The following ACSBG1 variants were observed in gnomAD, a reference collection of about 807,000 sequenced individuals.
The protein encoded by ACSBG1 is acyl-CoA synthetase bubblegum family member 1.
In ACSBG1, 39 loss-of-function variants were observed where a neutral mutation model predicts 80.2. The observed-to-expected ratio is 0.49, with a 90% CI of 0.38 to 0.64. The LOEUF is 0.64. ACSBG1 is among the 30% of genes least tolerant of loss of function. The pLI is 0.00. For synonymous variants in ACSBG1, 392 were observed against 379.5 expected, an observed-to-expected ratio of 1.03 and a Z score of -0.38; for missense variants, 828 against 966.4, an observed-to-expected ratio of 0.86 and a Z score of 1.90.
At chr15:78,206,105 G>A (rs1019308058) in intron 2 of ACSBG1, among the ~76,000 whole-genome samples, 10 of 152,188 alleles carry the variant, frequency 6.6e-5, no homozygotes, top group East Asian at 5.8e-4. Context: ...AGCCCATGAT[G>A]CCTGCTTAGC....
intron 1 of ACSBG1, among the ~76,000 whole-genome samples, chr15:78,223,493 G>T (rs2075375682): frequency 6.6e-6 from 1 of 152,134 alleles, no homozygotes. Context: ...CCAAATCCTA[G>T]CTTAATGAGT....
At chr15:78,204,965 C>T (rs2075200404) in intron 2 of ACSBG1, among the ~76,000 whole-genome samples, 1 of 152,134 alleles carries the variant, frequency 6.6e-6, no homozygotes, top group Admixed American at 6.5e-5. Context: ...ACCTAGCTTC[C>T]CAATTGCAAA....
chr15:78,207,178 C>T (rs2075223682), intron 2 of ACSBG1, among the ~76,000 whole-genome samples: 1 of 152,136 alleles, frequency 6.6e-6, no homozygotes, highest in African/African-American at 2.4e-5. Context: ...TCTTTCAAAC[C>T]ATTCTCAGAA....
At chr15:78,215,627 G>C (rs2075301034) in intron 1 of ACSBG1, among the ~76,000 whole-genome samples, 1 of 151,564 alleles carries the variant, frequency 6.6e-6, no homozygotes, top group African/African-American at 2.4e-5. Flanking sequence ...TTGCACTCCA[G>C]CCTGGGCAAC....
chr15:78,177,499 C>T lies in ACSBG1; in HGVS notation c.1702+1115G>A, dbSNP rs2074893706. On this transcript the variant is annotated intron_variant, in intron 11 of 13. Coordinates refer to ENST00000258873, the MANE Select transcript of ACSBG1 (RefSeq NM_015162.5). The surrounding 1 kb of genome is among the most constrained non-coding windows in gnomAD (Gnocchi z 4.1). The stretch of plus-strand genomic sequence containing the variant: ...CTGGTTGAATTTGGTTTTCTGGCTA[C>T]TATCCTCCCCCATGCAGGGATGTGG... Among the ~76,000 whole-genome samples the T allele has an allele frequency of 6.6e-6, 1 of 152,202 alleles. No homozygotes were observed. Among genetic ancestry groups the T allele is most frequent in the African/African-American group, 2.4e-5 (1 of 41,458 alleles).
intron 5 of ACSBG1, among the ~76,000 whole-genome samples, chr15:78,189,609 G>A (rs1312248622): frequency 6.6e-6 from 1 of 151,732 alleles, no homozygotes; most frequent in African/African-American, 2.4e-5. Context: ...ACTCATAGGT[G>A]GGAACTGAAC....
Position 78,234,530 on chromosome 15 carries a change from C to CA in ACSBG1, c.-30dup, listed in dbSNP as rs773085812. The CA allele has an allele frequency of 2.5e-6, 4 of 1,603,276 alleles. No individual in the cohort carries two copies. In the South Asian group the frequency reaches 4.4e-5, roughly 18 times the overall value. On this transcript the variant is annotated 5_prime_UTR_variant, in exon 1 of 14. Transcript: ENST00000258873. ...CCTCGGGCTTCCACTGAAGACAGCT[C>CA]AGTCACCCACTGAGAGAGGCTAGCC... is the stretch of plus-strand genomic sequence containing the variant.
In ACSBG1 at chr15:78,169,240, G is replaced by GT. The variant is rs959261685; in HGVS notation, c.*2203dup. On this transcript the variant is annotated 3_prime_UTR_variant, in exon 14 of 14. Transcript: ENST00000258873. ...TTTATTAAGTGTCTACCTGGTAAAT[G>GT]TTTTTTTTGTAAACTCTGAGTGGAC... 2.4e-4 allele frequency: 79 copies of GT among 327,288 alleles called. No homozygotes were observed. Among genetic ancestry groups the GT allele is most frequent in the East Asian group, 7.5e-4 (16 of 21,284 alleles). 20.3% of individuals were successfully genotyped at this position (327,288 alleles called of 1,614,324 possible).
At chr15:78,220,214 C>T (rs2075349642) in intron 1 of ACSBG1, among the ~76,000 whole-genome samples, 1 of 152,156 alleles carries the variant, frequency 6.6e-6, no homozygotes, top group Non-Finnish European at 1.5e-5. Context: ...AAGAAGGCTA[C>T]CAAGACAATC....
intron 10 of ACSBG1, chr15:78,179,074 C>T (rs2074913680): frequency 5.4e-6 from 3 of 554,360 alleles, no homozygotes; most frequent in Non-Finnish European, 3.2e-6. Flanking sequence ...CTGTGATAGG[C>T]TGGCAGGGAG....
chr15:78,178,016 A>G lies in ACSBG1; in HGVS notation c.1702+598T>C, dbSNP rs180769676. ...ATACTTACGCTCCTGAATCTTCTGG[A>G]AAGACTTGCCTTGTTTCTCTAGGGG... On this transcript the variant is annotated intron_variant, in intron 11 of 13. Coordinates refer to ENST00000258873, the MANE Select transcript of ACSBG1 (RefSeq NM_015162.5). The surrounding 1 kb of genome is among the most constrained non-coding windows in gnomAD (Gnocchi z 4.3). Among the ~76,000 whole-genome samples, 21 of 152,348 alleles carry G rather than the reference A, an allele frequency of 1.4e-4. No homozygotes were observed. The East Asian group carries it at 3.5e-3, about 25-fold the overall frequency.
intron 13 of ACSBG1, 23 bp downstream of exon 13, chr15:78,173,570 A>C: frequency 6.2e-7 from 1 of 1,611,890 alleles, no homozygotes; most frequent in Non-Finnish European, 8.5e-7. Flanking sequence ...CAGCCCTTGC[A>C]ATGGTGAAAA....
chr15:78,223,440 G>T (rs1253266698), intron 1 of ACSBG1, among the ~76,000 whole-genome samples: 2 of 152,076 alleles, frequency 1.3e-5, no homozygotes, highest in Non-Finnish European at 2.9e-5. Flanking sequence ...AACCAAAAAT[G>T]AAAATAAATT....
At chr15:78,201,117 T>C (rs1362181666) in intron 2 of ACSBG1, among the ~76,000 whole-genome samples, 1 of 152,178 alleles carries the variant, frequency 6.6e-6, no homozygotes, top group Non-Finnish European at 1.5e-5. Flanking sequence ...CTGAGCCTAA[T>C]GGAGGATGGG....
At chr15:78,180,492 C>T (rs189092002) in intron 9 of ACSBG1, among the ~76,000 whole-genome samples, 19 of 152,284 alleles carry the variant, frequency 1.2e-4, no homozygotes, top group Middle Eastern at 3.4e-3. Flanking sequence ...CCAGAAGCTG[C>T]TCCTAGGGAG....
At chr15:78,223,175 T>C (rs2075372118) in intron 1 of ACSBG1, among the ~76,000 whole-genome samples, 1 of 151,760 alleles carries the variant, frequency 6.6e-6, no homozygotes, top group African/African-American at 2.4e-5. Flanking sequence ...ATGTCAGAAG[T>C]CTGGCTATCT....
chr15:78,207,966 CG>C, intron 2 of ACSBG1, 35 bp downstream of exon 2: 2 of 1,019,358 alleles, frequency 2.0e-6, no homozygotes, highest in East Asian at 5.0e-5. Flanking sequence ...CACAGTTTCC[CG>C]CCCTGCCCCA....
Position 78,234,561 on chromosome 15 carries a change from T to C in ACSBG1, c.-60A>G, listed in dbSNP as rs2075478725. On this transcript the variant is annotated 5_prime_UTR_variant, in exon 1 of 14. Transcript: ENST00000258873. ...CCCACTGAGAGAGGCTAGCCTTGAG[T>C]GAGCAGTGGGGGTGGGCATGGGGCA... is the stretch of plus-strand genomic sequence containing the variant. The C allele has an allele frequency of 3.2e-6, 5 of 1,566,522 alleles. No individual in the cohort carries two copies. The Admixed American group carries it at 8.5e-5, about 27-fold the overall frequency.
At position 78,181,952 on chromosome 15, in the gene ACSBG1, G is replaced by A. The variant is rs748446058; in HGVS notation, c.1071+17C>T. 188 of 1,611,166 alleles carry A rather than the reference G, an allele frequency of 1.2e-4. No individual in the cohort carries two copies. Among genetic ancestry groups the A allele is most frequent in the Non-Finnish European group, 1.5e-4 (174 of 1,178,572 alleles). On this transcript the variant is annotated intron_variant, in intron 8 of 13. Coordinates refer to ENST00000258873, the MANE Select transcript of ACSBG1 (RefSeq NM_015162.5). ...GGCACACGGGCTCAGACGGACACACGGTAAAGGCAGACTGACCTTCAGGGC... is the reference window on the plus strand; with the variant it reads ...GGCACACGGGCTCAGACGGACACACAGTAAAGGCAGACTGACCTTCAGGGC...
Sources: allele counts gnomAD v4.1 joint callset (sites outside exome capture counted in the v4.1 genomes callset), GRCh38; gene constraint gnomAD v4.1.1; non-coding constraint Gnocchi (gnomAD v3.1); transcripts MANE v1.5; gene names NCBI Gene and HGNC (gene_info 2026-07-23, HGNC 2026-07-21).